Variants in GOLGA7B observed in about 807,000 individuals in gnomAD.
GOLGA7B encodes the protein golgin A7 family member B.
A neutral mutation model predicts 21.5 loss-of-function variants in GOLGA7B; 17 were observed. The ratio of observed to expected loss-of-function variants is 0.79; its 90% confidence interval spans 0.54 to 1.19. GOLGA7B has a LOEUF of 1.19. GOLGA7B is among the 50% of genes most tolerant of loss of function. The pLI is 0.00. For missense variants in GOLGA7B, 169 were observed against 224.4 expected (o/e 0.75, Z 1.58); for synonymous variants, 87 against 84.0 (o/e 1.04, Z -0.19).
chr10:97,864,265 G>A lies in GOLGA7B; in HGVS notation c.389G>A (p.Arg130Lys). ...ACAGACCCTGTGGAGCGTGGGATGA[G>A]GGTTGTATCCTTCTGGGCTATTCTG... is the stretch of plus-strand genomic sequence containing the variant. ...LLTDPVERGMRVIEISIYEDR... is the reference protein window; with the variant it reads ...LLTDPVERGMKVIEISIYEDR... Residue 130 changes from arginine to lysine, a missense_variant, in exon 4 of 5, where the codon AGG becomes AAG. Physicochemically the swap from Arg to Lys is conservative, Grantham distance 26 (BLOSUM62 2). Coordinates refer to ENST00000370602, the MANE Select transcript of GOLGA7B (RefSeq NM_001010917.3). 1 of 1,613,110 alleles carries A rather than the reference G, an allele frequency of 6.2e-7. No individual in the cohort carries two copies. Among genetic ancestry groups the A allele is most frequent in the South Asian group, 1.1e-5 (1 of 91,060 alleles).
chr10:97,863,939 C>T lies in GOLGA7B; in HGVS notation c.148C>T (p.Gln50Ter), dbSNP rs2049989153. Residue 50 changes from glutamine (Q) to a stop codon, truncating the protein, a stop_gained, in exon 3 of 5, where the codon CAG becomes TAG. Coordinates refer to ENST00000370602, the MANE Select transcript of GOLGA7B (RefSeq NM_001010917.3). LOFTEE classifies it high-confidence loss of function. Reference protein sequence around the residue: ...PPELDSRIERQLFEETVKTLN... With the variant: ...PPELDSRIER Reference sequence around the variant, plus strand: ...CTGTCCCTTTCTCCAGATCGAGCGGCAGCTCTTTGAAGAGACTGTGAAGAC... The same window carrying T: ...CTGTCCCTTTCTCCAGATCGAGCGGTAGCTCTTTGAAGAGACTGTGAAGAC... The T allele has an allele frequency of 1.2e-6, 2 of 1,612,486 alleles. No individual in the cohort carries two copies. The highest frequency in any genetic ancestry group is 8.5e-7 in the Non-Finnish European group (1 of 1,179,136).
chr10:97,849,951 C>T lies in GOLGA7B; in HGVS notation c.-353C>T, dbSNP rs1044250807. ...CCAGCGGCGGCTCCTGGCCCCTCCT[C>T]CCCCGGCCGCCCCCATCCCCGCCGC... is the stretch of plus-strand genomic sequence containing the variant. On this transcript the variant is annotated 5_prime_UTR_variant, in exon 1 of 5. Transcript: ENST00000370602. Among the ~76,000 whole-genome samples, 12 of 151,152 alleles carry T rather than the reference C, an allele frequency of 7.9e-5. No homozygotes were observed. The highest frequency in any genetic ancestry group is 1.9e-4 in the East Asian group (1 of 5,134).
rs778763182 is a variant in GOLGA7B at position 97,869,710 on chromosome 10, G to A, written c.*4010G>A. On this transcript the variant is annotated 3_prime_UTR_variant, in exon 5 of 5. Coordinates refer to ENST00000370602, the MANE Select transcript of GOLGA7B (RefSeq NM_001010917.3). ...ATGGCTGTTGTGACACGTCCCCCAC[G>A]GCTCCCCGGTTGGCAGCCACTGCCA... The A allele has an allele frequency of 6.6e-6, 1 of 152,314 alleles. No individual in the cohort carries two copies. Among genetic ancestry groups the A allele is most frequent in the African/African-American group, 2.4e-5 (1 of 41,462 alleles). The allele number at this position is 152,314 out of a possible 1,614,324, so 9.4% of individuals were successfully genotyped here.
rs2050017198 is a variant in GOLGA7B at position 97,865,889 on chromosome 10, C to A, written c.*189C>A. 5.1e-6 allele frequency: 5 copies of A among 971,498 alleles called. No individual in the cohort carries two copies. The South Asian group carries it at 5.7e-5, about 11-fold the overall frequency. 60.2% of individuals were successfully genotyped at this position (971,498 alleles called of 1,614,324 possible). ...CAACCTATGCCCCCTGTCCCTCACC[C>A]CCGTCTGGATCAGTCCATTTCCTGA... On this transcript the variant is annotated 3_prime_UTR_variant, in exon 5 of 5. Transcript: ENST00000370602.
At position 97,870,760 on chromosome 10, in the gene GOLGA7B, A is replaced by C. The variant is rs1270506082; in HGVS notation, c.*5060A>C. On this transcript the variant is annotated 3_prime_UTR_variant, in exon 5 of 5. Transcript: ENST00000370602. ...TGTGTGTGTGTGTGTGTGTGTGAAA[A>C]TGTAATGTCTGCTCTGCTGTGGGTG... is the stretch of plus-strand genomic sequence containing the variant. 2 of 152,048 alleles carry C rather than the reference A, an allele frequency of 1.3e-5. No homozygotes were observed. 9.4% of individuals were successfully genotyped at this position (152,048 alleles called of 1,614,324 possible). A position where few individuals can be genotyped will look rare whatever the true frequency, so the allele number is the denominator to read the frequency against.
chr10:97,863,840 A>T lies in GOLGA7B; in HGVS notation c.139-90A>T, dbSNP rs1361558121. 7 of 1,376,916 alleles carry T rather than the reference A, an allele frequency of 5.1e-6. No homozygotes were observed. The Admixed American group carries it at 1.5e-4, about 30-fold the overall frequency. The allele number at this position is 1,376,916 out of a possible 1,614,324, so 85.3% of individuals were successfully genotyped here. A position where few individuals can be genotyped will look rare whatever the true frequency, so the allele number is the denominator to read the frequency against. Reference sequence around the variant, plus strand: ...TGCCAATGTCATCTTCCCCATCTACATGGCCCCACCATTGTCACTTCCAGC... The same window carrying T: ...TGCCAATGTCATCTTCCCCATCTACTTGGCCCCACCATTGTCACTTCCAGC... On this transcript the variant is annotated intron_variant, in intron 2 of 4. Coordinates refer to ENST00000370602, the MANE Select transcript of GOLGA7B (RefSeq NM_001010917.3).
Position 97,859,574 on chromosome 10 carries a change from G to C in GOLGA7B, c.129G>C (p.Leu43=). The change falls in exon 2 of 5, where the codon CTG becomes CTC. Residue 43 remains leucine (L), a synonymous_variant. Coordinates refer to ENST00000370602, the MANE Select transcript of GOLGA7B (RefSeq NM_001010917.3). The stretch of plus-strand genomic sequence containing the variant: ...TCCAGACCAAATTCCCCCCAGAGCT[G>C]GACAGCCGGGTAAGGATGCCTTTTT... ...CQFQTKFPPE[L]DSRIERQLFE... 6.2e-7 allele frequency: 1 copy of C among 1,613,986 alleles called. No individual in the cohort carries two copies. Among genetic ancestry groups the C allele is most frequent in the Non-Finnish European group, 8.5e-7 (1 of 1,179,920 alleles).
chr10:97,856,595 G>T (rs980461996), intron 1 of GOLGA7B, among the ~76,000 whole-genome samples: 1 of 152,148 alleles, frequency 6.6e-6, no homozygotes, highest in Non-Finnish European at 1.5e-5. Flanking sequence ...CCTTTGGGAG[G>T]ATACCCTGTA....
At chr10:97,853,609 A>G (rs1178778407) in intron 1 of GOLGA7B, among the ~76,000 whole-genome samples, 4 of 152,102 alleles carry the variant, frequency 2.6e-5, no homozygotes, top group Non-Finnish European at 5.9e-5. Context: ...GCTGCCAGTG[A>G]GCCAGGGGTG....
At chr10:97,853,581 C>T (rs543932753) in intron 1 of GOLGA7B, among the ~76,000 whole-genome samples, 5 of 152,266 alleles carry the variant, frequency 3.3e-5, no homozygotes, top group South Asian at 2.1e-4. Context: ...AAATGCTTCT[C>T]GGCCCTGTCT....
chr10:97,860,150 A>C (rs966531981), intron 2 of GOLGA7B, among the ~76,000 whole-genome samples: 2 of 152,144 alleles, frequency 1.3e-5, no homozygotes, highest in African/African-American at 4.8e-5. Context: ...GTATTTATTT[A>C]TTTATAATTT....
intron 1 of GOLGA7B, 47 bp from the exon 2 acceptor site, chr10:97,859,411 G>T: frequency 6.2e-7 from 1 of 1,600,516 alleles, no homozygotes. Flanking sequence ...GGGATATGCC[G>T]AGATGGATGG....
chr10:97,865,826 GA>G lies in GOLGA7B; in HGVS notation c.*127del. On this transcript the variant is annotated 3_prime_UTR_variant, in exon 5 of 5. Transcript: ENST00000370602. ...GGGCTCACCCTGCTGCCCGGGGTGG[GA>G]GGGAGGGTGACGGGCCTCATATTTC... 2.2e-5 allele frequency: 17 copies of G among 778,966 alleles called. No individual in the cohort carries two copies. The highest frequency in any genetic ancestry group is 1.2e-4 in the East Asian group (3 of 24,604). The allele number at this position is 778,966 out of a possible 1,614,324, so 48.3% of individuals were successfully genotyped here.
intron 1 of GOLGA7B, among the ~76,000 whole-genome samples, chr10:97,854,059 C>A (rs1402833141): frequency 1.3e-5 from 2 of 152,202 alleles, no homozygotes; most frequent in African/African-American, 4.8e-5. Flanking sequence ...TCTTTTGAGA[C>A]ACCAGAAGTG....
At chr10:97,864,658 A>G (rs1384125637) in intron 4 of GOLGA7B, among the ~76,000 whole-genome samples, 3 of 152,126 alleles carry the variant, frequency 2.0e-5, no homozygotes, top group Non-Finnish European at 4.4e-5. Context: ...CTTAACTACA[A>G]AGACCCCTCC....
intron 2 of GOLGA7B, among the ~76,000 whole-genome samples, chr10:97,861,555 C>T (rs966270515): frequency 1.3e-5 from 2 of 152,246 alleles, no homozygotes; most frequent in Non-Finnish European, 2.9e-5. Flanking sequence ...TCATGGACCT[C>T]AGGCTGCTGT....
At chr10:97,856,034 AC>A (rs1349166291) in intron 1 of GOLGA7B, among the ~76,000 whole-genome samples, 1 of 152,006 alleles carries the variant, frequency 6.6e-6, no homozygotes, top group Admixed American at 6.6e-5. Flanking sequence ...TTTATTGATA[AC>A]CTTTCCTAGT....
At chr10:97,860,273 A>G (rs991482226) in intron 2 of GOLGA7B, among the ~76,000 whole-genome samples, 5 of 152,166 alleles carry the variant, frequency 3.3e-5, no homozygotes, top group African/African-American at 1.2e-4. Context: ...CTTATCTGTT[A>G]CAAACAATCC....
intron 2 of GOLGA7B, among the ~76,000 whole-genome samples, chr10:97,860,247 T>C (rs957843222): frequency 1.3e-5 from 2 of 152,264 alleles, no homozygotes; most frequent in Non-Finnish European, 2.9e-5. Flanking sequence ...GGGCATCCAT[T>C]ACTTCGGACA....
Sources: allele counts gnomAD v4.1 joint callset (sites outside exome capture counted in the v4.1 genomes callset), GRCh38; gene constraint gnomAD v4.1.1; transcripts MANE v1.5; gene names NCBI Gene and HGNC (gene_info 2026-07-23, HGNC 2026-07-21).